The following CREB3L3 variants were observed in gnomAD, a reference collection of about 807,000 sequenced individuals.
The protein encoded by CREB3L3 is cAMP responsive element binding protein 3 like 3, also known as cyclic AMP-responsive element-binding protein 3-like protein 3.
Under a neutral mutation model 44.6 loss-of-function variants are expected in CREB3L3, and 40 were observed. The ratio of observed to expected loss-of-function variants is 0.90; its 90% CI spans 0.70 to 1.17. The LOEUF (loss-of-function observed/expected upper bound fraction) is 1.17. Among genes scored for constraint, CREB3L3 ranks in the 50% most tolerant of loss-of-function variants. The pLI is 0.00. For missense variants in CREB3L3, 578 were observed against 595.8 expected, an observed-to-expected ratio of 0.97 and a Z score of 0.31; for synonymous variants, 273 against 256.3, an observed-to-expected ratio of 1.06 and a Z score of -0.62.
At chr19:4,158,684 T>C (rs1466033990) in intron 3 of CREB3L3, among the ~76,000 whole-genome samples, 1 of 150,996 alleles carries the variant, frequency 6.6e-6, no homozygotes, top group Non-Finnish European at 1.5e-5. Flanking sequence ...GCCTGTAGTC[T>C]CAGCTACTCG....
In CREB3L3 at chr19:4,171,608, G is replaced by A. The variant is rs1421722307; in HGVS notation, c.1073-48G>A. The A allele has an allele frequency of 6.2e-7, 1 of 1,606,666 alleles. No homozygotes were observed. The highest frequency in any genetic ancestry group is 8.5e-7 in the Non-Finnish European group (1 of 1,173,914). The stretch of plus-strand genomic sequence containing the variant: ...CTGGGGGCCAGGGAAGGGAGCATAG[G>A]ACCCCACCTCCACCTTGTCCCCTGT... On this transcript the variant is annotated intron_variant, in intron 9 of 9. Coordinates refer to ENST00000078445, the MANE Select transcript of CREB3L3 (RefSeq NM_032607.3). The surrounding 1 kb of genome is among the most constrained non-coding windows in gnomAD (Gnocchi z 4.9).
chr19:4,156,498 CT>C (rs1031702350), intron 2 of CREB3L3, among the ~76,000 whole-genome samples: 2 of 140,694 alleles, frequency 1.4e-5, no homozygotes, highest in African/African-American at 5.3e-5. Context: ...TTTTGTTTTT[CT>C]TTTTTTCTTT....
At chr19:4,168,297 A>G in intron 5 of CREB3L3, 54 bp from the exon 6 acceptor site, 1 of 1,408,952 alleles carries the variant, frequency 7.1e-7, no homozygotes, top group South Asian at 1.2e-5. Flanking sequence ...CTGCCCCCGG[A>G]CTCCAAGTGG....
At chr19:4,162,843 C>T (rs537341477) in intron 4 of CREB3L3, among the ~76,000 whole-genome samples, 12 of 152,160 alleles carry the variant, frequency 7.9e-5, no homozygotes, top group African/African-American at 2.2e-4. Flanking sequence ...CCAAGCATGG[C>T]GGTACGCTCT....
In CREB3L3 at chr19:4,171,457, T is replaced by C. The variant is rs776357634; in HGVS notation, c.1050T>C (p.Pro350=). 1 of 1,614,082 alleles carries C rather than the reference T, an allele frequency of 6.2e-7. No homozygotes were observed. Among genetic ancestry groups the C allele is most frequent in the Non-Finnish European group, 8.5e-7 (1 of 1,179,998 alleles). Residue 350 remains proline (P), a synonymous_variant, in exon 9 of 10, where the codon CCT becomes CCC. Transcript: ENST00000078445. This position sits in a 1 kb window ranked among gnomAD's most constrained non-coding sequence, Gnocchi z 4.9. ...TTGGCCCCAACAAAACCGAGAGCCC[T>C]GGGGACTTTGCGCCTGTACGAGGTA... ...SPFGPNKTES[P]GDFAPVRVFS...
At chr19:4,169,841 C>G (rs1437940471) in intron 6 of CREB3L3, among the ~76,000 whole-genome samples, 1 of 151,990 alleles carries the variant, frequency 6.6e-6, no homozygotes, top group Non-Finnish European at 1.5e-5. Flanking sequence ...TCAGGTGATC[C>G]GCCCACCACG....
rs747437197 is a variant in CREB3L3, at chr19:4,171,831, G to A, written c.1248G>A (p.Glu416=). 6 of 1,613,610 alleles carry A rather than the reference G, an allele frequency of 3.7e-6. No individual in the cohort carries two copies. In the African/African-American group the frequency reaches 8.0e-5, roughly 22 times the overall value. Residue 416 remains glutamate, a synonymous_variant, in exon 10 of 10, where the codon GAG becomes GAA. Coordinates refer to ENST00000078445, the MANE Select transcript of CREB3L3 (RefSeq NM_032607.3). This position sits in a 1 kb window ranked among gnomAD's most constrained non-coding sequence, Gnocchi z 4.9. ...CCGCGAACCTGACCAATTCGACGGAGGAGCTGGACAACGCCACCCTGGTCC... is the reference window on the plus strand; with the variant it reads ...CCGCGAACCTGACCAATTCGACGGAAGAGCTGGACAACGCCACCCTGGTCC... ...QDTANLTNST[E]ELDNATLVLR... is the part of the protein sequence containing the mutation.
At position 4,156,028 on chromosome 19, in the gene CREB3L3, C is replaced by T. The variant is rs146555073; in HGVS notation, c.157-967C>T. 1.0e-3 allele frequency among the ~76,000 whole-genome samples: 156 copies of T among 151,714 alleles called. 2 individuals carry two copies. In the East Asian group the frequency reaches 0.025, roughly 24 times the overall value. On this transcript the variant is annotated intron_variant, in intron 2 of 9. Coordinates refer to ENST00000078445, the MANE Select transcript of CREB3L3 (RefSeq NM_032607.3). ...CCTCCCAAAGTGCTGGGATTATAGG[C>T]GTGAGCCACCACACCCGGCCCTTTT...
At chr19:4,164,743 C>G in intron 5 of CREB3L3, 103 bp downstream of exon 5, 1 of 1,370,246 alleles carries the variant, frequency 7.3e-7, no homozygotes, top group Non-Finnish European at 1.0e-6. Context: ...GAGTCTTTCT[C>G]TGTCACTGAG....
rs199858798 is a variant in CREB3L3, at chr19:4,171,632, G to A, written c.1073-24G>A. 15 of 1,613,076 alleles carry A rather than the reference G, an allele frequency of 9.3e-6. No homozygotes were observed. The Admixed American group carries it at 2.2e-4, about 23-fold the overall frequency. The stretch of plus-strand genomic sequence containing the variant: ...GGACCCCACCTCCACCTTGTCCCCT[G>A]TGATGCCCCCCTTCCCCAATCAGTG... On this transcript the variant is annotated intron_variant, in intron 9 of 9. Coordinates refer to ENST00000078445, the MANE Select transcript of CREB3L3 (RefSeq NM_032607.3). The surrounding 1 kb of genome is among the most constrained non-coding windows in gnomAD (Gnocchi z 4.9).
chr19:4,171,970 G>A lies in CREB3L3; in HGVS notation c.*1G>A. On this transcript the variant is annotated 3_prime_UTR_variant, in exon 10 of 10. Coordinates refer to ENST00000078445, the MANE Select transcript of CREB3L3 (RefSeq NM_032607.3). The surrounding 1 kb of genome is among the most constrained non-coding windows in gnomAD (Gnocchi z 4.9). ...GGAGGCGGCGGGAGACGAGCTGTGA[G>A]CCCCGCCAGGACTATGCTCCCAGGC... 1 of 1,587,604 alleles carries A rather than the reference G, an allele frequency of 6.3e-7. No homozygotes were observed. Among genetic ancestry groups the A allele is most frequent in the Non-Finnish European group, 8.5e-7 (1 of 1,169,660 alleles).
intron 3 of CREB3L3, 107 bp downstream of exon 3, chr19:4,157,402 C>T: frequency 7.8e-7 from 1 of 1,287,966 alleles, no homozygotes; most frequent in Non-Finnish European, 1.1e-6. Flanking sequence ...TCCAAGGTCA[C>T]ACAGCAATTT....
At chr19:4,157,796 C>T (rs949554173) in intron 3 of CREB3L3, among the ~76,000 whole-genome samples, 1 of 152,094 alleles carries the variant, frequency 6.6e-6, no homozygotes, top group African/African-American at 2.4e-5. Context: ...AGCAATTCAC[C>T]TGCCTCAGCC....
At chr19:4,168,248 C>G (rs1176101810) in intron 5 of CREB3L3, 103 bp from the exon 6 acceptor site, 1 of 796,706 alleles carries the variant, frequency 1.3e-6, no homozygotes, top group African/African-American at 1.7e-5. Context: ...ATACGCCTGC[C>G]TCGGCCTCCC....
In CREB3L3 at chr19:4,171,223, A is replaced by AG. The variant is rs1411636857; in HGVS notation, c.975+52dup. Reference sequence around the variant, plus strand: ...AAGCCGGGGACCTAGGCTTCTGTAGAGGGGCCCATAGGGAGGTGACAATGA... The same window carrying AG: ...AAGCCGGGGACCTAGGCTTCTGTAGAGGGGGCCCATAGGGAGGTGACAATGA... On this transcript the variant is annotated intron_variant, in intron 8 of 9. Coordinates refer to ENST00000078445, the MANE Select transcript of CREB3L3 (RefSeq NM_032607.3). The surrounding 1 kb of genome is among the most constrained non-coding windows in gnomAD (Gnocchi z 4.9). The AG allele has an allele frequency of 6.5e-7, 1 of 1,531,264 alleles. No homozygotes were observed. Among genetic ancestry groups the AG allele is most frequent in the Admixed American group, 1.7e-5 (1 of 59,708 alleles). The allele number at this position is 1,531,264 out of a possible 1,614,324, so 94.9% of individuals were successfully genotyped here.
intron 5 of CREB3L3, among the ~76,000 whole-genome samples, chr19:4,167,200 A>G (rs1167117215): frequency 6.6e-6 from 1 of 151,898 alleles, no homozygotes; most frequent in Non-Finnish European, 1.5e-5. Flanking sequence ...AAAATTAGCC[A>G]GGCATGGTGT....
chr19:4,155,130 C>T, intron 2 of CREB3L3, 103 bp downstream of exon 2: 4 of 1,431,770 alleles, frequency 2.8e-6, no homozygotes, highest in South Asian at 2.3e-5. Context: ...CAGAGCTCTG[C>T]TCAGCTCTAC....
In CREB3L3 at chr19:4,172,432, C is replaced by T. The variant is rs564192220; in HGVS notation, c.*463C>T. 3 of 306,638 alleles carry T rather than the reference C, an allele frequency of 9.8e-6. No individual in the cohort carries two copies. Among genetic ancestry groups the T allele is most frequent in the Admixed American group, 4.9e-5 (1 of 20,274 alleles). The allele number at this position is 306,638 out of a possible 1,614,324, so 19.0% of individuals were successfully genotyped here. ...ACAGACAGACAGAAACAGCCTGAAA[C>T]AGACCCAGACAGACAGACAGACACA... is the stretch of plus-strand genomic sequence containing the variant. On this transcript the variant is annotated 3_prime_UTR_variant, in exon 10 of 10. Transcript: ENST00000078445.
Position 4,157,136 on chromosome 19 carries a change from A to G in CREB3L3, c.298A>G (p.Thr100Ala). The change falls in exon 3 of 10, where the codon ACC becomes GCC. Residue 100 changes from threonine to alanine, a missense_variant. By Grantham distance (58) the Thr-to-Ala change is moderately conservative. Coordinates refer to ENST00000078445, the MANE Select transcript of CREB3L3 (RefSeq NM_032607.3). ...AGACCTCCCCTCCGACCCCCAGGAC[A>G]CCCCTCCACGCAGCGGACCAGCCAC... ...SEDLPSDPQD[T>A]PPRSGPATSP... 6.2e-7 allele frequency: 1 copy of G among 1,612,826 alleles called. No individual in the cohort carries two copies. Among genetic ancestry groups the G allele is most frequent in the Non-Finnish European group, 8.5e-7 (1 of 1,179,674 alleles).
Sources: gnomAD v4.1 joint callset for allele counts (sites outside exome capture counted in the v4.1 genomes callset) on GRCh38, gnomAD v4.1.1 for gene constraint, Gnocchi (gnomAD v3.1) non-coding constraint, MANE v1.5 for transcripts, NCBI Gene and HGNC (gene_info 2026-07-23, HGNC 2026-07-21) for gene names.